GSE1: variants seen among roughly 807,000 people sequenced by gnomAD.
GSE1 encodes Gse1 coiled-coil protein.
GSE1 carries 32 observed loss-of-function variants against 112.6 expected under a neutral mutation model. The observed-to-expected ratio is 0.28, with a 90% CI of 0.21 to 0.38. GSE1 has a LOEUF of 0.38. GSE1 is among the 10% of genes least tolerant of loss of function. The probability of loss-of-function intolerance (pLI) is 1.00; values close to 1 mark genes in which losing one functional copy is unlikely to be tolerated. For synonymous variants in GSE1, 1,115 were observed against 735.6 expected (o/e 1.52, Z -8.35); for missense variants, 2,348 against 1,699.2 (o/e 1.38, Z -6.71).
intron 2 of GSE1, among the ~76,000 whole-genome samples, chr16:85,548,487 A>C (rs958618166): frequency 5.9e-5 from 9 of 152,012 alleles, no homozygotes; most frequent in African/African-American, 2.2e-4. Context: ...TATTAGTGAG[A>C]TCATGCAGTG....
intron 1 of GSE1, among the ~76,000 whole-genome samples, chr16:85,573,327 C>T (rs942278456): frequency 6.6e-6 from 1 of 152,198 alleles, no homozygotes; most frequent in Non-Finnish European, 1.5e-5. Context: ...GTCGTCTGTC[C>T]TGGCCTGGAT....
intron 2 of GSE1, among the ~76,000 whole-genome samples, chr16:85,530,347 C>G (rs72801138): frequency 0.025 from 3,880 of 152,344 alleles, 65 homozygotes; most frequent in Middle Eastern, 0.054. Context: ...AATGTATCTC[C>G]TCCCCGGTGA....
Position 85,654,469 on chromosome 16 carries a change from A to ACTTCGGT in GSE1, c.599+20_599+26dup. ...CACTCAAGTAAGTTGGTCGGCGGGG[A>ACTTCGGT]CTTCGGTGAGGTGGCCAGGTGGGGA... is the stretch of plus-strand genomic sequence containing the variant. On this transcript the variant is annotated intron_variant, in intron 4 of 15. Coordinates refer to ENST00000253458, the MANE Select transcript of GSE1 (RefSeq NM_014615.5). 1 of 1,552,376 alleles carries ACTTCGGT rather than the reference A, an allele frequency of 6.4e-7. No homozygotes were observed. Among genetic ancestry groups the ACTTCGGT allele is most frequent in the Non-Finnish European group, 8.7e-7 (1 of 1,147,332 alleles).
intron 2 of GSE1, among the ~76,000 whole-genome samples, chr16:85,374,408 G>A (rs1256392162): frequency 2.0e-5 from 3 of 152,006 alleles, no homozygotes; most frequent in East Asian, 1.9e-4. Context: ...GTGGCCCTCC[G>A]TGTGCAGTGT....
chr16:85,597,114 G>T (rs2047261991), intron 1 of GSE1, among the ~76,000 whole-genome samples: 1 of 151,850 alleles, frequency 6.6e-6, no homozygotes, highest in Non-Finnish European at 1.5e-5. Flanking sequence ...AAGTAGCTGG[G>T]ATTCCAGGCG....
intron 1 of GSE1, among the ~76,000 whole-genome samples, chr16:85,284,736 A>G (rs2044966418): frequency 6.6e-6 from 1 of 151,984 alleles, no homozygotes; most frequent in Non-Finnish European, 1.5e-5. Context: ...ATGGAATACT[A>G]AGGGGAAGGC....
chr16:85,253,125 G>A (rs1219713361), intron 1 of GSE1, among the ~76,000 whole-genome samples: 1 of 147,292 alleles, frequency 6.8e-6, no homozygotes, highest in African/African-American at 2.5e-5. Flanking sequence ...GCTGTGACGG[G>A]GAGAGCATAT....
At chr16:85,266,852 C>G (rs147668931) in intron 1 of GSE1, among the ~76,000 whole-genome samples, 1 of 152,132 alleles carries the variant, frequency 6.6e-6, no homozygotes, top group Non-Finnish European at 1.5e-5. Context: ...AGCCACACAA[C>G]CAGCTGGTGG....
chr16:85,459,667 A>T (rs975732422), intron 2 of GSE1, among the ~76,000 whole-genome samples: 4 of 152,204 alleles, frequency 2.6e-5, no homozygotes, highest in Non-Finnish European at 5.9e-5. Flanking sequence ...TTAGAGGTAG[A>T]GGACTCCACG....
At chr16:85,670,795 G>A (rs1422328904) in intron 14 of GSE1, 200 bp from the exon 15 acceptor site, 2 of 420,124 alleles carry the variant, frequency 4.8e-6, no homozygotes, top group African/African-American at 2.1e-5. Context: ...CCTGTGTATT[G>A]GGCTTAATTT....
chr16:85,398,100 A>G (rs2151662887), intron 2 of GSE1, among the ~76,000 whole-genome samples: 1 of 152,254 alleles, frequency 6.6e-6, no homozygotes, highest in Admixed American at 6.5e-5. Flanking sequence ...TCTTGGAGCT[A>G]GGTCTCCAAG....
At chr16:85,291,197 C>T (rs560142875) in intron 1 of GSE1, among the ~76,000 whole-genome samples, 1 of 152,338 alleles carries the variant, frequency 6.6e-6, no homozygotes, top group South Asian at 2.1e-4. Flanking sequence ...CTCAGCAGAG[C>T]TGGACACCAG....
At chr16:85,413,410 C>A (rs1478929225) in intron 2 of GSE1, among the ~76,000 whole-genome samples, 3 of 152,102 alleles carry the variant, frequency 2.0e-5, no homozygotes, top group East Asian at 1.9e-4. Context: ...TCTTCCCCAG[C>A]TGTGACCCCC....
intron 2 of GSE1, among the ~76,000 whole-genome samples, chr16:85,365,719 A>C (rs1238158148): frequency 3.3e-5 from 5 of 152,208 alleles, no homozygotes; most frequent in Non-Finnish European, 7.4e-5. Context: ...GAAGGTTTAT[A>C]GTAGCCTACA....
intron 1 of GSE1, among the ~76,000 whole-genome samples, chr16:85,260,175 A>G (rs924460310): frequency 6.6e-6 from 1 of 152,204 alleles, no homozygotes; most frequent in Admixed American, 6.5e-5. Context: ...GGCTCACGGC[A>G]GCCCACTGCC....
chr16:85,554,799 A>ACGGGCGGG (rs966678093), upstream of GSE1: 13 of 693,652 alleles, frequency 1.9e-5, no homozygotes, highest in African/African-American at 1.9e-4. Context: ...GGGAGGACGG[A>ACGGGCGGG]CGGGCGGGCG....
intron 1 of GSE1, among the ~76,000 whole-genome samples, chr16:85,260,837 G>A (rs1030983808): frequency 8.5e-5 from 13 of 152,252 alleles, no homozygotes; most frequent in Non-Finnish European, 1.6e-4. Flanking sequence ...AGTGATGAGC[G>A]CATGGGGCGT....
intron 2 of GSE1, among the ~76,000 whole-genome samples, chr16:85,479,700 T>A (rs1053436302): frequency 1.3e-5 from 2 of 152,152 alleles, no homozygotes; most frequent in African/African-American, 4.8e-5. Flanking sequence ...CTCCTGTTGG[T>A]GCTGGGACAC....
chr16:85,469,227 GC>G (rs1205421057), intron 2 of GSE1, among the ~76,000 whole-genome samples: 1 of 151,924 alleles, frequency 6.6e-6, no homozygotes, highest in Non-Finnish European at 1.5e-5. Flanking sequence ...TTGCACTGCA[GC>G]CTGCACAAGA....
Sources: allele counts gnomAD v4.1 joint callset (sites outside exome capture counted in the v4.1 genomes callset), GRCh38; gene constraint gnomAD v4.1.1; transcripts MANE v1.5; gene names NCBI Gene and HGNC (gene_info 2026-07-23, HGNC 2026-07-21).